The following MBD5 variants were observed in gnomAD, a reference collection of about 807,000 sequenced individuals.
MBD5 encodes methyl-CpG-binding domain protein 5.
In MBD5, 13 loss-of-function variants were observed where a neutral mutation model predicts 117.3. That is an observed-to-expected ratio of 0.11 (90% CI 0.07 to 0.18). The LOEUF is 0.18. MBD5 is among the 10% of genes least tolerant of loss of function. MBD5 has a pLI of 1.00. For missense variants in MBD5, 1,879 were observed against 2,093.8 expected (o/e 0.90, Z 2.00); for synonymous variants, 727 against 766.4 (o/e 0.95, Z 0.85).
chr2:148,498,727 G>A (rs1681781421), intron 11 of MBD5, among the ~76,000 whole-genome samples: 1 of 152,158 alleles, frequency 6.6e-6, no homozygotes, highest in East Asian at 1.9e-4. Context: ...CAGACTTTAA[G>A]TTTCTTCTGA....
chr2:148,200,455 C>T (rs1460719933), intron 2 of MBD5, among the ~76,000 whole-genome samples: 2 of 151,910 alleles, frequency 1.3e-5, no homozygotes, highest in Non-Finnish European at 2.9e-5. Flanking sequence ...ACTTTGGGAG[C>T]CCCAGGCAGG....
intron 10 of MBD5, among the ~76,000 whole-genome samples, chr2:148,486,267 C>T (rs1370315355): frequency 6.6e-6 from 1 of 152,116 alleles, no homozygotes; most frequent in Non-Finnish European, 1.5e-5. Context: ...CACCTGTCCA[C>T]CCTCTCCAGC....
chr2:148,198,891 G>T (rs899959313), intron 2 of MBD5, among the ~76,000 whole-genome samples: 3 of 151,672 alleles, frequency 2.0e-5, no homozygotes, highest in Admixed American at 6.6e-5. Flanking sequence ...TATTGTTCAG[G>T]GTTCTCCAGA....
chr2:148,365,224 T>C (rs777144091), intron 4 of MBD5, among the ~76,000 whole-genome samples: 2 of 152,166 alleles, frequency 1.3e-5, no homozygotes, highest in Admixed American at 6.6e-5. Flanking sequence ...CTAAACAACC[T>C]GCTCCTGAAT....
chr2:148,035,565 C>G (rs1409619673), intron 1 of MBD5, among the ~76,000 whole-genome samples: 1 of 152,146 alleles, frequency 6.6e-6, no homozygotes, highest in Non-Finnish European at 1.5e-5. Context: ...TGCTCCCCAA[C>G]TTGGTTAATG....
At chr2:148,348,424 AC>A (rs1336741510) in intron 4 of MBD5, among the ~76,000 whole-genome samples, 2 of 151,906 alleles carry the variant, frequency 1.3e-5, no homozygotes, top group African/African-American at 4.8e-5. Context: ...ATTAGAATAC[AC>A]CTTTGAAGCC....
At chr2:148,235,214 C>A (rs968653985) in intron 3 of MBD5, among the ~76,000 whole-genome samples, 1 of 151,848 alleles carries the variant, frequency 6.6e-6, no homozygotes, top group African/African-American at 2.4e-5. Flanking sequence ...TTTGTATTGT[C>A]TTTTTTCTGA....
intron 3 of MBD5, among the ~76,000 whole-genome samples, chr2:148,273,994 T>C (rs78795285): frequency 0.022 from 3,350 of 152,248 alleles, 57 homozygotes; most frequent in African/African-American, 0.039. Flanking sequence ...ACCCATCAAG[T>C]TTTTCTTAAT....
chr2:148,171,812 A>G (rs1698270826), intron 1 of MBD5, among the ~76,000 whole-genome samples: 3 of 152,370 alleles, frequency 2.0e-5, no homozygotes, highest in East Asian at 1.9e-4. Context: ...AAGCGTTTCT[A>G]TACACTTAAG....
chr2:148,345,410 TACATATACATATATAC>T (rs1703074884), intron 4 of MBD5, among the ~76,000 whole-genome samples: 1 of 145,378 alleles, frequency 6.9e-6, no homozygotes, highest in African/African-American at 2.5e-5. Context: ...TATACACATA[TACATATACATATATAC>T]ACATATACAT....
chr2:148,416,366 A>G (rs143404479), intron 4 of MBD5, among the ~76,000 whole-genome samples: 8 of 152,266 alleles, frequency 5.3e-5, no homozygotes, highest in Admixed American at 4.6e-4. Context: ...TCCACTGGCC[A>G]TGGTGCTCCA....
chr2:148,492,414 C>G (rs1259885687), intron 11 of MBD5, among the ~76,000 whole-genome samples: 1 of 151,902 alleles, frequency 6.6e-6, no homozygotes, highest in South Asian at 2.1e-4. Context: ...TCAAGATATA[C>G]TATATACTAA....
chr2:148,064,404 C>A (rs533974656), intron 1 of MBD5, among the ~76,000 whole-genome samples: 14 of 151,678 alleles, frequency 9.2e-5, no homozygotes, highest in African/African-American at 2.7e-4. Flanking sequence ...CGTGAGCCAC[C>A]GCGCCCGGCC....
At chr2:148,459,070 C>T (rs1706974958) in intron 5 of MBD5, among the ~76,000 whole-genome samples, 199 bp downstream of exon 5, 1 of 152,034 alleles carries the variant, frequency 6.6e-6, no homozygotes, top group African/African-American at 2.4e-5. Context: ...TGTCATTCTG[C>T]TTATCTCTGT....
At chr2:148,243,860 T>C (rs575086645) in intron 3 of MBD5, 35 of 152,132 alleles carry the variant, frequency 2.3e-4, no homozygotes, top group African/African-American at 7.9e-4. Flanking sequence ...TAGATAAGTA[T>C]AGAGTGGAGA....
At chr2:148,083,403 A>G (rs1695696790) in intron 1 of MBD5, among the ~76,000 whole-genome samples, 1 of 152,164 alleles carries the variant, frequency 6.6e-6, no homozygotes, top group Non-Finnish European at 1.5e-5. Flanking sequence ...GCCTCTGGTT[A>G]ACTGAAACCA....
chr2:148,327,454 T>C (rs1702489626), intron 3 of MBD5, among the ~76,000 whole-genome samples: 1 of 152,182 alleles, frequency 6.6e-6, no homozygotes, highest in African/African-American at 2.4e-5. Context: ...GGGGGTTCCA[T>C]TCTCCCCATC....
chr2:148,378,468 A>G (rs76131807), intron 4 of MBD5, among the ~76,000 whole-genome samples: 5 of 152,122 alleles, frequency 3.3e-5, no homozygotes, highest in African/African-American at 1.2e-4. Flanking sequence ...GTATGAGGGC[A>G]TGATTAAATT....
At chr2:148,085,238 A>G (rs550717517) in intron 1 of MBD5, among the ~76,000 whole-genome samples, 1 of 152,354 alleles carries the variant, frequency 6.6e-6, no homozygotes, top group Admixed American at 6.5e-5. Flanking sequence ...CATCACTATT[A>G]TTATTGTTAC....
Sources: allele counts gnomAD v4.1 joint callset (sites outside exome capture counted in the v4.1 genomes callset), GRCh38; gene constraint gnomAD v4.1.1; transcripts MANE v1.5; gene names NCBI Gene and HGNC (gene_info 2026-07-23, HGNC 2026-07-21).